GLMN: variants seen among roughly 807,000 people sequenced by gnomAD.
GLMN encodes glomulin.
Under a neutral mutation model 87.8 loss-of-function variants are expected in GLMN, and 75 were observed. The observed-to-expected ratio is 0.85, with a 90% CI of 0.71 to 1.04. GLMN has a LOEUF of 1.04. GLMN is among the 50% of genes least tolerant of loss of function. GLMN has a pLI of 0.00. For missense variants in GLMN, 588 were observed against 658.8 expected, an observed-to-expected ratio of 0.89 and a Z score of 1.18; for synonymous variants, 206 against 221.6, an observed-to-expected ratio of 0.93 and a Z score of 0.63.
intron 8 of GLMN, among the ~76,000 whole-genome samples, chr1:92,270,081 A>G (rs926152428): frequency 1.1e-4 from 16 of 152,216 alleles, no homozygotes; most frequent in African/African-American, 3.6e-4. Flanking sequence ...GAACAGGATA[A>G]TGCATCTACA....
the GLMN span, among the ~76,000 whole-genome samples, chr1:92,323,012 T>C: frequency 7.5e-5 from 11 of 147,070 alleles, no homozygotes; most frequent in African/African-American, 2.7e-4. Context: ...CATATAAATA[T>C]ATACTTTATA....
intron 3 of GLMN, among the ~76,000 whole-genome samples, chr1:92,292,239 C>CCTAGAGTTTACATT (rs113608013): frequency 0.58 from 87,965 of 151,550 alleles, 27,948 homozygotes; most frequent in East Asian, 0.96. Context: ...TCACTACCCT[C>CCTAGAGTTTACATT]CTAGAGTCCT....
intron 7 of GLMN, among the ~76,000 whole-genome samples, chr1:92,278,572 G>A (rs1243053623): frequency 6.6e-6 from 1 of 151,966 alleles, no homozygotes; most frequent in Non-Finnish European, 1.5e-5. Flanking sequence ...TGCTTTCTCT[G>A]CAACCCTTCA....
chr1:92,339,210 T>G, the GLMN span, among the ~76,000 whole-genome samples: 4 of 152,144 alleles, frequency 2.6e-5, no homozygotes, highest in Non-Finnish European at 5.9e-5. Context: ...GAAAAAAATG[T>G]TAGGCTACCC....
chr1:92,246,914 T>A (rs1652748508), intron 18 of GLMN, 148 bp downstream of exon 18: 5 of 711,410 alleles, frequency 7.0e-6, no homozygotes, highest in Non-Finnish European at 1.3e-5. Context: ...TCCTGGCTAA[T>A]CAGGAATCTG....
At chr1:92,278,263 G>T (rs1292469984) in intron 7 of GLMN, among the ~76,000 whole-genome samples, 2 of 151,996 alleles carry the variant, frequency 1.3e-5, no homozygotes, top group Non-Finnish European at 1.5e-5. Context: ...ATATGTGATG[G>T]TGCTTATACT....
chr1:92,289,854 G>A lies in GLMN; in HGVS notation c.394+344C>T, dbSNP rs181428537. Among the ~76,000 whole-genome samples the A allele has an allele frequency of 2.6e-5, 4 of 152,294 alleles. 1 individual carries two copies. The highest frequency in any genetic ancestry group is 9.6e-5 in the African/African-American group (4 of 41,550). On this transcript the variant is annotated intron_variant, in intron 5 of 18. Transcript: ENST00000370360. ...GACTACCATAATGCTATCAGATTTAGTACTGCAGACACCACAGAGGTAACC... is the reference window on the plus strand; with the variant it reads ...GACTACCATAATGCTATCAGATTTAATACTGCAGACACCACAGAGGTAACC...
the GLMN span, chr1:92,336,290 CA>C: frequency 1.4e-5 from 17 of 1,216,730 alleles, no homozygotes; most frequent in Admixed American, 1.9e-5. Context: ...AGGCATGACC[CA>C]AAAAAAGTTT....
the GLMN span, among the ~76,000 whole-genome samples, chr1:92,358,240 C>T: frequency 1.4e-4 from 21 of 152,284 alleles, no homozygotes; most frequent in South Asian, 4.3e-3. Context: ...CCAGCCTCAT[C>T]TCACACCATC....
chr1:92,298,664 T>G (rs889453846), intron 1 of GLMN, among the ~76,000 whole-genome samples: 6 of 152,162 alleles, frequency 3.9e-5, no homozygotes, highest in African/African-American at 1.4e-4. Context: ...TCGCTTCTCC[T>G]GGCGGCAAGG....
At chr1:92,293,218 T>C (rs903382007) in intron 3 of GLMN, among the ~76,000 whole-genome samples, 2 of 152,130 alleles carry the variant, frequency 1.3e-5, no homozygotes, top group African/African-American at 4.8e-5. Flanking sequence ...TACGCATCAT[T>C]ATCATCAGAG....
At chr1:92,276,705 T>C (rs952286714) in intron 7 of GLMN, among the ~76,000 whole-genome samples, 6 of 152,218 alleles carry the variant, frequency 3.9e-5, no homozygotes, top group African/African-American at 1.4e-4. Context: ...TTAGGTGTCA[T>C]AATAGCCTGG....
chr1:92,308,035 C>T, the GLMN span, among the ~76,000 whole-genome samples: 1 of 151,862 alleles, frequency 6.6e-6, no homozygotes, highest in Non-Finnish European at 1.5e-5. Flanking sequence ...AAACTAATGA[C>T]CTAAACATAA....
At chr1:92,362,488 G>A in the GLMN span, among the ~76,000 whole-genome samples, 12 of 152,234 alleles carry the variant, frequency 7.9e-5, no homozygotes, top group African/African-American at 1.9e-4. Context: ...CCCACCATTC[G>A]CTTTGAATGA....
the GLMN span, among the ~76,000 whole-genome samples, chr1:92,352,441 G>C: frequency 3.6e-5 from 2 of 55,756 alleles, no homozygotes; most frequent in African/African-American, 2.2e-4. Context: ...TTTTGCCTCA[G>C]CAGGCTGTTT....
At chr1:92,291,035 G>A (rs1475119700) in intron 4 of GLMN, among the ~76,000 whole-genome samples, 1 of 152,154 alleles carries the variant, frequency 6.6e-6, no homozygotes, top group Non-Finnish European at 1.5e-5. Context: ...AAAGGAAAGA[G>A]GACTGAGATT....
the GLMN span, among the ~76,000 whole-genome samples, chr1:92,308,200 C>T: frequency 6.6e-6 from 1 of 152,180 alleles, no homozygotes; most frequent in South Asian, 2.1e-4. Context: ...CCTCTGCCTG[C>T]CGATCCAATC....
the GLMN span, among the ~76,000 whole-genome samples, chr1:92,344,129 G>T: frequency 6.6e-6 from 1 of 152,130 alleles, no homozygotes; most frequent in African/African-American, 2.4e-5. Flanking sequence ...TGCTATACCA[G>T]CTGGGCACCG....
the GLMN span, among the ~76,000 whole-genome samples, chr1:92,339,099 T>C: frequency 6.6e-6 from 1 of 152,198 alleles, no homozygotes; most frequent in Admixed American, 6.5e-5. Context: ...TTAATTTACT[T>C]TGTCTATATT....
Sources: allele counts gnomAD v4.1 joint callset (sites outside exome capture counted in the v4.1 genomes callset), GRCh38; gene constraint gnomAD v4.1.1; transcripts MANE v1.5; gene names NCBI Gene and HGNC (gene_info 2026-07-23, HGNC 2026-07-21).